Variants in TMEM234 observed in about 807,000 individuals in gnomAD.
TMEM234 encodes the protein chromosome 1 open reading frame 91.
In TMEM234, 21 loss-of-function variants were observed where a neutral mutation model predicts 17.8. The ratio of observed to expected loss-of-function variants is 1.18; its 90% confidence interval spans 0.84 to 1.70. The LOEUF is 1.70. Ranked by LOEUF, TMEM234 falls within the 40% of genes most tolerant of loss-of-function variation. TMEM234 has a pLI of 0.00. For synonymous variants in TMEM234, 83 were observed against 73.5 expected (o/e 1.13, Z -0.66); for missense variants, 137 against 166.9 (o/e 0.82, Z 0.99).
intron 4 of TMEM234, 55 bp downstream of exon 4, chr1:32,217,204 C>A: frequency 6.2e-7 from 1 of 1,614,132 alleles, no homozygotes; most frequent in Non-Finnish European, 8.5e-7. Context: ...GGAACTAACA[C>A]AGGTATGTCG....
At chr1:32,217,188 T>G in intron 4 of TMEM234, 71 bp downstream of exon 4, 1 of 1,613,694 alleles carries the variant, frequency 6.2e-7, no homozygotes, top group Non-Finnish European at 8.5e-7. Flanking sequence ...AGATGGGTTC[T>G]GGGAAGGAAC....
At chr1:32,215,288 G>T (rs1395641050), downstream of TMEM234, 5 of 673,010 alleles carry the variant, frequency 7.4e-6, no homozygotes, top group African/African-American at 1.8e-5. Flanking sequence ...TGGGACCAAA[G>T]GCCCACCTCT....
chr1:32,214,487 C>T (rs1228286188), downstream of TMEM234: 2 of 341,606 alleles, frequency 5.9e-6, no homozygotes, highest in Non-Finnish European at 1.1e-5. Flanking sequence ...TCCAAGGGAA[C>T]TTATATTATC....
chr1:32,215,698 A>G, downstream of TMEM234: 1 of 1,139,468 alleles, frequency 8.8e-7, no homozygotes, highest in Admixed American at 2.7e-5. Flanking sequence ...AGCAGTTCCT[A>G]ATTTCCAGTT....
Position 32,221,274 on chromosome 1 carries a change from G to A in TMEM234, c.169-77C>T, listed in dbSNP as rs944144595. 5 of 1,167,736 alleles carry A rather than the reference G, an allele frequency of 4.3e-6. No individual in the cohort carries two copies. The African/African-American group carries it at 7.6e-5, about 18-fold the overall frequency. 72.3% of individuals were successfully genotyped at this position (1,167,736 alleles called of 1,614,324 possible). On this transcript the variant is annotated intron_variant, in intron 2 of 4. Transcript: ENST00000309777. ...TGCCTTCTTTGAGCTCCTAGCGAAT[G>A]TCTTTCCTTGGAGGGAGGCAGGGTT...
downstream of TMEM234, chr1:32,215,477 G>A (rs753969398): frequency 9.9e-6 from 16 of 1,613,476 alleles, no homozygotes; most frequent in African/African-American, 1.1e-4. Flanking sequence ...ACCGAAGGAA[G>A]GAGACAGCGG....
At position 32,216,611 on chromosome 1, in the gene TMEM234, G is replaced by T; in HGVS notation, c.*242C>A. On this transcript the variant is annotated 3_prime_UTR_variant, in exon 5 of 5. Coordinates refer to ENST00000309777, the MANE Select transcript of TMEM234 (RefSeq NM_019118.5). ...GGAAGAGAGCTGCTGGGGCAGAAAG[G>T]TTGCTGAGGGTGAGCGTAGAGTCTC... 2 of 1,536,926 alleles carry T rather than the reference G, an allele frequency of 1.3e-6. No homozygotes were observed. Among genetic ancestry groups the T allele is most frequent in the Non-Finnish European group, 1.8e-6 (2 of 1,136,740 alleles).
intron 3 of TMEM234, among the ~76,000 whole-genome samples, chr1:32,220,211 G>T (rs1242412522): frequency 6.6e-6 from 1 of 152,178 alleles, no homozygotes; most frequent in African/African-American, 2.4e-5. Flanking sequence ...GTCTCGCTCT[G>T]TTGCCCAGGG....
At chr1:32,221,004 G>A (rs1569833549) in intron 3 of TMEM234, 127 bp downstream of exon 3, 3 of 703,296 alleles carry the variant, frequency 4.3e-6, no homozygotes, top group Admixed American at 2.3e-5. Context: ...TAGTAAGAGG[G>A]AACTAGAGCT....
In TMEM234 at chr1:32,216,318, A is replaced by G; in HGVS notation, c.*535T>C. The stretch of plus-strand genomic sequence containing the variant: ...GGGCTGGCAGTGAGGATTTCTGCCT[A>G]CCTCATGGGTGGGGCAGGCAAGGCT... On this transcript the variant is annotated 3_prime_UTR_variant, in exon 5 of 5. Coordinates refer to ENST00000309777, the MANE Select transcript of TMEM234 (RefSeq NM_019118.5). 5 of 1,521,402 alleles carry G rather than the reference A, an allele frequency of 3.3e-6. No individual in the cohort carries two copies. Among genetic ancestry groups the G allele is most frequent in the Non-Finnish European group, 3.5e-6 (4 of 1,130,660 alleles). 94.2% of individuals were successfully genotyped at this position (1,521,402 alleles called of 1,614,324 possible).
At chr1:32,214,720 T>G, downstream of TMEM234, 1 of 1,583,878 alleles carries the variant, frequency 6.3e-7, no homozygotes, top group Non-Finnish European at 8.6e-7. Context: ...TCAGGGGCTC[T>G]CTGAAGCCTG....
chr1:32,215,043 G>C, downstream of TMEM234: 7 of 1,338,888 alleles, frequency 5.2e-6, no homozygotes, highest in African/African-American at 1.6e-5. Flanking sequence ...CAGACACAAA[G>C]CCGGCACTGG....
chr1:32,214,695 A>C (rs541681390), downstream of TMEM234: 13 of 1,518,994 alleles, frequency 8.6e-6, no homozygotes, highest in Non-Finnish European at 1.2e-5. Flanking sequence ...CTCCTCTGCC[A>C]TGTTCCTGCA....
chr1:32,218,369 T>G (rs1282773148), intron 3 of TMEM234, among the ~76,000 whole-genome samples: 2 of 151,928 alleles, frequency 1.3e-5, no homozygotes, highest in Non-Finnish European at 2.9e-5. Flanking sequence ...GAGGTTGCAC[T>G]GAGCCAAGAT....
Position 32,222,304 on chromosome 1 carries a change from T to G in TMEM234, c.16+3A>C, listed in dbSNP as rs747386283. On this transcript the variant is annotated splice_donor_region_variant and intron_variant, in intron 1 of 4. Coordinates refer to ENST00000309777, the MANE Select transcript of TMEM234 (RefSeq NM_019118.5). ...CCATGGAAGGGCGGGGCCGGCTACCTACCCAGAGACGCCGCCATGGCAACG... is the reference window on the plus strand; with the variant it reads ...CCATGGAAGGGCGGGGCCGGCTACCGACCCAGAGACGCCGCCATGGCAACG... 19 of 1,554,746 alleles carry G rather than the reference T, an allele frequency of 1.2e-5. No individual in the cohort carries two copies. Among genetic ancestry groups the G allele is most frequent in the Non-Finnish European group, 1.5e-5 (17 of 1,150,628 alleles).
At chr1:32,215,736 C>T (rs569517122), downstream of TMEM234, 20 of 1,355,170 alleles carry the variant, frequency 1.5e-5, no homozygotes, top group South Asian at 2.4e-4. Flanking sequence ...TGGGGACCTC[C>T]TGGCTGAGAG....
downstream of TMEM234, chr1:32,215,190 AG>A (rs1376944522): frequency 5.1e-6 from 3 of 588,584 alleles, no homozygotes; most frequent in Non-Finnish European, 8.7e-6. Flanking sequence ...CCTTCTTCAC[AG>A]GGCCTCATCA....
chr1:32,221,928 T>A lies in TMEM234; in HGVS notation c.107A>T (p.His36Leu). 6.2e-7 allele frequency: 1 copy of A among 1,613,100 alleles called. No homozygotes were observed. The highest frequency in any genetic ancestry group is 8.5e-7 in the Non-Finnish European group (1 of 1,179,968). The change falls in exon 2 of 5, where the codon CAT becomes CTT. Residue 36 changes from histidine (H) to leucine (L), a missense_variant. His to Leu is a moderately conservative substitution (Grantham distance 99). Coordinates refer to ENST00000309777, the MANE Select transcript of TMEM234 (RefSeq NM_019118.5). ...KRASAGLQRVHEPTWAQQLLQ... is the reference protein window; with the variant it reads ...KRASAGLQRVLEPTWAQQLLQ... ...CAACTGCTGGGCCCAGGTCGGCTCA[T>A]GAACCCGCTGCAGGCCGGCGGAGGC... is the stretch of plus-strand genomic sequence containing the variant.
Position 32,221,154 on chromosome 1 carries a change from T to C in TMEM234, c.212A>G (p.Tyr71Cys), listed in dbSNP as rs201041009. ...ACCTGTCGATGCCAAGGTGAGGTAA[T>C]AGAGAAGGGATCCACACTGGTTGAG... is the stretch of plus-strand genomic sequence containing the variant. ...FLLNQCGSLL[Y>C]YLTLASTDLT... is the part of the protein sequence containing the mutation. The change falls in exon 3 of 5, where the codon TAT (tyrosine) becomes TGT (cysteine). Residue 71 changes from tyrosine to cysteine, a missense_variant. By Grantham distance (194) the Tyr-to-Cys change is radical. Coordinates refer to ENST00000309777, the MANE Select transcript of TMEM234 (RefSeq NM_019118.5). 5.7e-5 allele frequency: 92 copies of C among 1,613,034 alleles called. 2 individuals carry two copies. The East Asian group carries it at 1.1e-3, about 20-fold the overall frequency.
Sources: allele counts gnomAD v4.1 joint callset (sites outside exome capture counted in the v4.1 genomes callset), GRCh38; gene constraint gnomAD v4.1.1; transcripts MANE v1.5; gene names NCBI Gene and HGNC (gene_info 2026-07-23, HGNC 2026-07-21).